The following XXYLT1 variants were observed in gnomAD, a reference collection of about 807,000 sequenced individuals.
The protein encoded by XXYLT1 is UDP-xylose:alpha-xyloside alpha-1,3-xylosyltransferase.
In XXYLT1, 20 loss-of-function variants were observed where a neutral mutation model predicts 28.9. The observed-to-expected ratio is 0.69, with a 90% confidence interval of 0.49 to 1.00. The LOEUF (loss-of-function observed/expected upper bound fraction) is 1.00, where lower values mean the gene tolerates loss of function less well. Among genes scored for constraint, XXYLT1 ranks in the 50% least tolerant of loss-of-function variants. XXYLT1 has a pLI of 0.00. For synonymous variants in XXYLT1, 257 were observed against 253.8 expected (o/e 1.01, Z -0.12); for missense variants, 542 against 560.1 (o/e 0.97, Z 0.33).
chr3:195,267,592 G>A (rs763307829), intron 1 of XXYLT1, among the ~76,000 whole-genome samples: 6 of 152,222 alleles, frequency 3.9e-5, no homozygotes, highest in Non-Finnish European at 7.3e-5. Context: ...AGGTGCTAGG[G>A]AGGCAGCATT....
chr3:195,122,692 A>G (rs964608733), intron 3 of XXYLT1, among the ~76,000 whole-genome samples: 2 of 152,214 alleles, frequency 1.3e-5, no homozygotes, highest in African/African-American at 4.8e-5. Flanking sequence ...AGAAAGAAGG[A>G]AGTTTCCAGC....
At chr3:195,087,470 A>C (rs1715796589) in intron 3 of XXYLT1, 1 of 152,278 alleles carries the variant, frequency 6.6e-6, no homozygotes, top group Non-Finnish European at 1.5e-5. Context: ...TTCAGGTATC[A>C]ACACAGGTAT....
chr3:195,074,945 A>T (rs755270103), intron 3 of XXYLT1, among the ~76,000 whole-genome samples: 51 of 152,310 alleles, frequency 3.3e-4, no homozygotes, highest in Non-Finnish European at 5.7e-4. Flanking sequence ...GCTCTACTGG[A>T]CAGAGAAGGT....
chr3:195,148,977 G>C (rs1200314865), intron 3 of XXYLT1, among the ~76,000 whole-genome samples: 1 of 152,184 alleles, frequency 6.6e-6, no homozygotes, highest in Non-Finnish European at 1.5e-5. Flanking sequence ...ATTGGCTAAG[G>C]GCTGATAGTT....
chr3:195,120,194 G>T (rs976331211), intron 3 of XXYLT1, among the ~76,000 whole-genome samples: 3 of 152,142 alleles, frequency 2.0e-5, no homozygotes, highest in African/African-American at 7.2e-5. Flanking sequence ...TCCAGCAAAG[G>T]CCTCACCCCC....
Position 195,226,857 on chromosome 3 carries a change from C to T in XXYLT1, c.505-1G>A. 1.9e-6 allele frequency: 3 copies of T among 1,612,656 alleles called. No individual in the cohort carries two copies. The highest frequency in any genetic ancestry group is 1.3e-5 in the African/African-American group (1 of 74,842). On this transcript the variant is annotated splice_acceptor_variant, in intron 1 of 3. Transcript: ENST00000310380. LOFTEE classifies it high-confidence loss of function. ...GCACAGCAACATCGTGGAAGATGAC[C>T]TGCAGCAGGTGCAAAAAAAACCAAG...
chr3:195,135,130 A>C (rs1719125255), intron 3 of XXYLT1, among the ~76,000 whole-genome samples: 1 of 152,174 alleles, frequency 6.6e-6, no homozygotes. Context: ...GCTGCTCTGA[A>C]AGTGGCCACG....
At chr3:195,206,461 C>T (rs1723074275) in intron 2 of XXYLT1, among the ~76,000 whole-genome samples, 3 of 151,264 alleles carry the variant, frequency 2.0e-5, no homozygotes, top group Non-Finnish European at 4.4e-5. Context: ...ATAAAAATAG[C>T]GCATTTAATA....
At chr3:195,141,933 T>C (rs1338675851) in intron 3 of XXYLT1, among the ~76,000 whole-genome samples, 3 of 152,252 alleles carry the variant, frequency 2.0e-5, no homozygotes. Flanking sequence ...TGCCCCTTTT[T>C]AGGCATTGTG....
At chr3:195,134,868 T>TGCGCGC (rs200544076) in intron 3 of XXYLT1, among the ~76,000 whole-genome samples, 7 of 100,124 alleles carry the variant, frequency 7.0e-5, no homozygotes, top group African/African-American at 2.8e-4. Flanking sequence ...TGTGTGTGTG[T>TGCGCGC]GCGTGTGCGC....
At chr3:195,140,684 C>A (rs1719439793) in intron 3 of XXYLT1, among the ~76,000 whole-genome samples, 1 of 151,942 alleles carries the variant, frequency 6.6e-6, no homozygotes, top group Non-Finnish European at 1.5e-5. Context: ...AGAGAGAGAG[C>A]ACAAGAAGGG....
chr3:195,227,625 C>T (rs78961104), intron 1 of XXYLT1, among the ~76,000 whole-genome samples: 9,443 of 152,222 alleles, frequency 0.062, 1,010 homozygotes, highest in African/African-American at 0.21. Flanking sequence ...GTGAGGCAGA[C>T]ATCACTATTA....
At chr3:195,151,115 G>A (rs749919194) in intron 3 of XXYLT1, among the ~76,000 whole-genome samples, 2 of 150,872 alleles carry the variant, frequency 1.3e-5, no homozygotes, top group Non-Finnish European at 3.0e-5. Flanking sequence ...CTCCCCTTCC[G>A]TCCCCTTTGT....
intron 2 of XXYLT1, chr3:195,184,946 A>C (rs1331092606): frequency 1.8e-6 from 1 of 545,944 alleles, no homozygotes; most frequent in Non-Finnish European, 2.3e-6. Context: ...GCATTTATAC[A>C]GCTCATTTTA....
At chr3:195,235,725 G>A (rs1433163344) in intron 1 of XXYLT1, among the ~76,000 whole-genome samples, 1 of 152,152 alleles carries the variant, frequency 6.6e-6, no homozygotes, top group Non-Finnish European at 1.5e-5. Flanking sequence ...CACTGCAGCT[G>A]TATCTGCATT....
intron 2 of XXYLT1, among the ~76,000 whole-genome samples, chr3:195,215,180 A>G (rs368736162): frequency 0.025 from 3,790 of 151,370 alleles, 159 homozygotes; most frequent in African/African-American, 0.087. Flanking sequence ...AGCACTAAAC[A>G]TGGAAAGGAA....
chr3:195,087,270 C>T (rs2108655168), intron 3 of XXYLT1: 1 of 152,500 alleles, frequency 6.6e-6, no homozygotes, highest in African/African-American at 2.4e-5. Flanking sequence ...TACCCACTCT[C>T]CAGGGAGACA....
intron 3 of XXYLT1, among the ~76,000 whole-genome samples, chr3:195,111,016 G>C (rs1717682105): frequency 6.6e-6 from 1 of 152,002 alleles, no homozygotes; most frequent in Non-Finnish European, 1.5e-5. Flanking sequence ...TGCTTAAACA[G>C]CAGACACTGA....
chr3:195,077,129 CAGTG>C lies in XXYLT1; in HGVS notation c.786-7022_786-7019del, dbSNP rs1560081547. On this transcript the variant is annotated intron_variant, in intron 3 of 3. Transcript: ENST00000310380. The surrounding 1 kb of genome is among the most constrained non-coding windows in gnomAD (Gnocchi z 4.8). ...GCAAAACCCCAGCCCCTGCTGCTCTCAGTGGGTGGAGACAGAATGACCCACAGTG... is the reference window on the plus strand; with the variant it reads ...GCAAAACCCCAGCCCCTGCTGCTCTCGGTGGAGACAGAATGACCCACAGTG... Among the ~76,000 whole-genome samples the C allele has an allele frequency of 6.6e-6, 1 of 152,198 alleles. No homozygotes were observed. The highest frequency in any genetic ancestry group is 2.4e-5 in the African/African-American group (1 of 41,442).
Sources: allele counts gnomAD v4.1 joint callset (sites outside exome capture counted in the v4.1 genomes callset), GRCh38; gene constraint gnomAD v4.1.1; non-coding constraint Gnocchi (gnomAD v3.1); transcripts MANE v1.5; gene names NCBI Gene and HGNC (gene_info 2026-07-23, HGNC 2026-07-21).